SYCP2L: variants seen among roughly 807,000 people sequenced by gnomAD.
SYCP2L encodes the protein synaptonemal complex protein 2 like, also known as synaptonemal complex protein 2-like.
Under a neutral mutation model 125.8 loss-of-function variants are expected in SYCP2L, and 98 were observed. The ratio of observed to expected loss-of-function variants is 0.78; its 90% CI spans 0.66 to 0.92. The LOEUF (loss-of-function observed/expected upper bound fraction) is 0.92, where lower values mean the gene tolerates loss of function less well. Among genes scored for constraint, SYCP2L ranks in the 40% least tolerant of loss-of-function variants. The probability of loss-of-function intolerance (pLI) is 0.00; values close to 1 mark genes in which losing one functional copy is unlikely to be tolerated. For missense variants in SYCP2L, 842 were observed against 936.4 expected (o/e 0.90, Z 1.32); for synonymous variants, 317 against 325.4 (o/e 0.97, Z 0.28).
intron 14 of SYCP2L, among the ~76,000 whole-genome samples, chr6:10,918,928 T>C (rs1168170888): frequency 6.6e-6 from 1 of 152,214 alleles, no homozygotes. Context: ...GAAATTTTGA[T>C]TGTTTTTTAT....
intron 20 of SYCP2L, among the ~76,000 whole-genome samples, chr6:10,933,527 T>C (rs1008414427): frequency 6.6e-6 from 1 of 152,196 alleles, no homozygotes; most frequent in Admixed American, 6.5e-5. Context: ...AATTTGCATT[T>C]CCATCAAGTT....
intron 23 of SYCP2L, among the ~76,000 whole-genome samples, chr6:10,948,552 T>C (rs975193741): frequency 2.6e-5 from 4 of 152,158 alleles, no homozygotes; most frequent in Admixed American, 2.6e-4. Context: ...ATACTTGTGT[T>C]CCTGGGATAA....
intron 29 of SYCP2L, among the ~76,000 whole-genome samples, chr6:10,969,485 C>T (rs377427539): frequency 2.0e-5 from 3 of 151,482 alleles, no homozygotes; most frequent in Non-Finnish European, 4.4e-5. Flanking sequence ...CTCAGCCTCC[C>T]GAGTAGCTGG....
chr6:10,934,522 A>G (rs1415676587), intron 20 of SYCP2L, among the ~76,000 whole-genome samples: 1 of 152,236 alleles, frequency 6.6e-6, no homozygotes, highest in Non-Finnish European at 1.5e-5. Context: ...CTAATAAAAT[A>G]CAAAAAAATT....
intron 19 of SYCP2L, 128 bp downstream of exon 19, chr6:10,930,642 TACA>T: frequency 8.9e-7 from 1 of 1,125,472 alleles, no homozygotes. Flanking sequence ...CTTTCCCTGC[TACA>T]GTTACACTGG....
intron 15 of SYCP2L, among the ~76,000 whole-genome samples, chr6:10,925,018 C>G (rs1400705823): frequency 6.6e-6 from 1 of 152,152 alleles, no homozygotes; most frequent in African/African-American, 2.4e-5. Context: ...TGTTCTCACG[C>G]TGCTAATAAA....
chr6:10,924,990 A>AG lies in SYCP2L; in HGVS notation c.1218+354dup, dbSNP rs1780872138. ...GTCTCTCTCAGCTCCCCCTGGACCT[A>AG]GGGGGAGTGTATTAGTCTGTTCTCA... On this transcript the variant is annotated intron_variant, in intron 15 of 29. Transcript: ENST00000283141. Among the ~76,000 whole-genome samples, 4 of 152,116 alleles carry AG rather than the reference A, an allele frequency of 2.6e-5. No individual in the cohort carries two copies. The South Asian group carries it at 8.3e-4, about 32-fold the overall frequency.
chr6:10,933,463 A>G (rs903072308), intron 20 of SYCP2L, among the ~76,000 whole-genome samples: 1 of 152,222 alleles, frequency 6.6e-6, no homozygotes, highest in Non-Finnish European at 1.5e-5. Context: ...TTGCTGAAAC[A>G]TAGATTGCTG....
chr6:10,936,475 ACT>A (rs1033076693), intron 21 of SYCP2L, among the ~76,000 whole-genome samples: 1 of 151,882 alleles, frequency 6.6e-6, no homozygotes, highest in African/African-American at 2.4e-5. Flanking sequence ...ACAGAGTGAG[ACT>A]CTATCTCACA....
At chr6:10,899,776 T>C (rs1439680035) in intron 6 of SYCP2L, among the ~76,000 whole-genome samples, 1 of 152,222 alleles carries the variant, frequency 6.6e-6, no homozygotes, top group Non-Finnish European at 1.5e-5. Flanking sequence ...TGTGCTTGGT[T>C]GACTTTAAAA....
intron 14 of SYCP2L, among the ~76,000 whole-genome samples, chr6:10,914,946 A>G (rs911417802): frequency 1.3e-5 from 2 of 151,996 alleles, no homozygotes; most frequent in Non-Finnish European, 2.9e-5. Context: ...GGGTTTCACC[A>G]TGTTAGCCAG....
intron 29 of SYCP2L, among the ~76,000 whole-genome samples, chr6:10,968,894 A>G (rs1027534294): frequency 6.6e-6 from 1 of 152,200 alleles, no homozygotes; most frequent in Non-Finnish European, 1.5e-5. Context: ...TGAATGGTCC[A>G]TCAGCTGATG....
chr6:10,944,817 C>G (rs1326433863), intron 23 of SYCP2L, among the ~76,000 whole-genome samples: 1 of 152,050 alleles, frequency 6.6e-6, no homozygotes, highest in Admixed American at 6.6e-5. Flanking sequence ...CAGGTTCAAG[C>G]GATTCTCCTG....
rs765260904 is a variant in SYCP2L at position 10,887,121 on chromosome 6, C to G, written c.-6C>G. ...CGCGTCGCTTCAGGAACGAAGAAGC[C>G]TCGTTATGCAAGCGGTGAGTGACCC... On this transcript the variant is annotated 5_prime_UTR_variant, in exon 1 of 30. Coordinates refer to ENST00000283141, the MANE Select transcript of SYCP2L (RefSeq NM_001040274.3). The G allele has an allele frequency of 6.2e-7, 1 of 1,614,136 alleles. No homozygotes were observed. The highest frequency in any genetic ancestry group is 1.1e-5 in the South Asian group (1 of 91,084).
chr6:10,955,723 C>T (rs1349690235), intron 24 of SYCP2L, among the ~76,000 whole-genome samples: 2 of 152,190 alleles, frequency 1.3e-5, no homozygotes, highest in African/African-American at 4.8e-5. Flanking sequence ...TATGCAAGCT[C>T]TGTTAAATGG....
intron 21 of SYCP2L, 39 bp downstream of exon 21, chr6:10,935,226 G>C (rs1431913780): frequency 6.3e-7 from 1 of 1,598,122 alleles, no homozygotes; most frequent in African/African-American, 1.3e-5. Flanking sequence ...GAAAAAATTT[G>C]TATTTGGGAA....
At chr6:10,927,168 C>A in intron 16 of SYCP2L, 72 bp from the exon 17 acceptor site, 1 of 1,576,842 alleles carries the variant, frequency 6.3e-7, no homozygotes, top group Non-Finnish European at 8.6e-7. Context: ...AGGGGACATC[C>A]CATGAAGACC....
chr6:10,920,496 C>T (rs959629068), intron 14 of SYCP2L, among the ~76,000 whole-genome samples: 2 of 152,206 alleles, frequency 1.3e-5, no homozygotes, highest in East Asian at 1.9e-4. Flanking sequence ...AGATTACAGG[C>T]GTGAGACACC....
At chr6:10,897,782 C>G (rs1487669992) in intron 4 of SYCP2L, among the ~76,000 whole-genome samples, 1 of 152,120 alleles carries the variant, frequency 6.6e-6, no homozygotes, top group Non-Finnish European at 1.5e-5. Flanking sequence ...GGCTGGGACT[C>G]TTATTTTGTG....
Sources: allele counts gnomAD v4.1 joint callset (sites outside exome capture counted in the v4.1 genomes callset), GRCh38; gene constraint gnomAD v4.1.1; transcripts MANE v1.5; gene names NCBI Gene and HGNC (gene_info 2026-07-23, HGNC 2026-07-21).